The following SLC16A12 variants were observed in gnomAD, a reference collection of about 807,000 sequenced individuals.
The protein encoded by SLC16A12 is monocarboxylate transporter 12.
Under a neutral mutation model 42.4 loss-of-function variants are expected in SLC16A12, and 17 were observed. That is an observed-to-expected ratio of 0.40 (90% CI 0.27 to 0.60). The LOEUF is 0.60. Ranked by LOEUF, SLC16A12 falls within the 20% of genes least tolerant of loss-of-function variation. The pLI is 0.42. For synonymous variants in SLC16A12, 224 were observed against 229.4 expected (o/e 0.98, Z 0.21); for missense variants, 544 against 623.0 (o/e 0.87, Z 1.35).
At chr10:89,465,391 T>C (rs1460155295) in intron 2 of SLC16A12, among the ~76,000 whole-genome samples, 4 of 152,240 alleles carry the variant, frequency 2.6e-5, no homozygotes, top group South Asian at 2.1e-4. Context: ...GACGTAGCTA[T>C]AAATGCAGTT....
At chr10:89,539,800 G>A (rs1384464322), upstream of SLC16A12, among the ~76,000 whole-genome samples, 1 of 151,862 alleles carries the variant, frequency 6.6e-6, no homozygotes, top group Non-Finnish European at 1.5e-5. Context: ...GTACAGATTA[G>A]GGCAATACAT....
At chr10:89,500,938 G>A (rs1225652004) in intron 2 of SLC16A12, among the ~76,000 whole-genome samples, 9 of 152,024 alleles carry the variant, frequency 5.9e-5, no homozygotes, top group African/African-American at 1.9e-4. Flanking sequence ...AAAGAACTCA[G>A]CAAAGTTTCC....
At chr10:89,497,639 A>G (rs1842939420) in intron 2 of SLC16A12, among the ~76,000 whole-genome samples, 1 of 152,144 alleles carries the variant, frequency 6.6e-6, no homozygotes, top group Non-Finnish European at 1.5e-5. Context: ...ATTAAACTCA[A>G]GTCTCCTGAC....
At chr10:89,459,095 T>C (rs1253620918) in intron 3 of SLC16A12, among the ~76,000 whole-genome samples, 1 of 152,238 alleles carries the variant, frequency 6.6e-6, no homozygotes, top group Admixed American at 6.5e-5. Context: ...GGAAGAATTT[T>C]GCACTAAGAT....
intron 2 of SLC16A12, among the ~76,000 whole-genome samples, chr10:89,554,076 G>T (rs1843789405): frequency 8.9e-6 from 1 of 112,342 alleles, no homozygotes; most frequent in Non-Finnish European, 1.9e-5. Context: ...AAGAAAGAAA[G>T]AAAGAAAGAA....
intron 2 of SLC16A12, among the ~76,000 whole-genome samples, chr10:89,547,217 A>T (rs1361336773): frequency 6.6e-6 from 1 of 152,220 alleles, no homozygotes; most frequent in Non-Finnish European, 1.5e-5. Flanking sequence ...TTATAAGAGT[A>T]TAAGGGAAAA....
chr10:89,552,156 G>C (rs1325105603), intron 2 of SLC16A12, among the ~76,000 whole-genome samples: 1 of 152,072 alleles, frequency 6.6e-6, no homozygotes, highest in African/African-American at 2.4e-5. Flanking sequence ...GGCTGGTCTT[G>C]AACTCCTGAC....
chr10:89,467,349 T>C (rs995061380), intron 2 of SLC16A12, among the ~76,000 whole-genome samples: 3 of 152,234 alleles, frequency 2.0e-5, no homozygotes, highest in Non-Finnish European at 2.9e-5. Flanking sequence ...ATTCTTTCAA[T>C]AGCAATTCTA....
chr10:89,523,386 C>T (rs1221911928), intron 2 of SLC16A12, among the ~76,000 whole-genome samples: 2 of 152,176 alleles, frequency 1.3e-5, no homozygotes, highest in African/African-American at 4.8e-5. Flanking sequence ...GTGTCCTCCA[C>T]ACACCACTCA....
At chr10:89,473,025 C>T (rs1842525378) in intron 2 of SLC16A12, among the ~76,000 whole-genome samples, 1 of 151,534 alleles carries the variant, frequency 6.6e-6, no homozygotes, top group African/African-American at 2.4e-5. Flanking sequence ...CACTATGTTT[C>T]TCAGGCTGGT....
intron 3 of SLC16A12, among the ~76,000 whole-genome samples, chr10:89,450,002 T>C (rs574148534): frequency 7.2e-5 from 11 of 152,226 alleles, no homozygotes; most frequent in Non-Finnish European, 1.5e-4. Context: ...AACAGACACA[T>C]GAAAAAATGC....
chr10:89,498,322 A>G (rs149107581), intron 2 of SLC16A12, among the ~76,000 whole-genome samples: 109 of 152,174 alleles, frequency 7.2e-4, no homozygotes, highest in African/African-American at 2.6e-3. Flanking sequence ...ACAAAAAGAG[A>G]CTGTGTTGAA....
intron 2 of SLC16A12, among the ~76,000 whole-genome samples, chr10:89,494,817 T>C (rs2133812166): frequency 6.6e-6 from 1 of 152,212 alleles, no homozygotes; most frequent in African/African-American, 2.4e-5. Flanking sequence ...AAGCTAAAAA[T>C]AGGACTGATG....
At chr10:89,462,139 G>A (rs2133746133) in intron 3 of SLC16A12, among the ~76,000 whole-genome samples, 1 of 152,154 alleles carries the variant, frequency 6.6e-6, no homozygotes, top group African/African-American at 2.4e-5. Context: ...AACGATACCT[G>A]AGCAGTCAAC....
intron 2 of SLC16A12, among the ~76,000 whole-genome samples, chr10:89,469,907 ACT>A (rs752212474): frequency 6.6e-6 from 1 of 152,126 alleles, no homozygotes; most frequent in African/African-American, 2.4e-5. Context: ...TTACATAATA[ACT>A]CTTTCAAGGT....
At chr10:89,540,530 T>C (rs1449025488), upstream of SLC16A12, among the ~76,000 whole-genome samples, 4 of 152,236 alleles carry the variant, frequency 2.6e-5, no homozygotes, top group Non-Finnish European at 4.4e-5. Context: ...CCCAGCCTCA[T>C]GACTGTAGCT....
intron 2 of SLC16A12, among the ~76,000 whole-genome samples, chr10:89,512,016 C>G (rs1277412977): frequency 6.6e-6 from 1 of 152,100 alleles, no homozygotes; most frequent in African/African-American, 2.4e-5. Flanking sequence ...ATAAATGAAG[C>G]CTGAAGACAT....
Position 89,462,417 on chromosome 10 carries a change from G to A in SLC16A12, c.162C>T (p.Gly54=), listed in dbSNP as rs914304986. 6 of 1,613,924 alleles carry A rather than the reference G, an allele frequency of 3.7e-6. No individual in the cohort carries two copies. In the African/African-American group the frequency reaches 8.0e-5, roughly 22 times the overall value. Reference sequence around the variant, plus strand: ...GTGTGCAGATGGTAACAAGGAAACAGCCAGCCACAATCATCCAGCCCCAGC... The same window carrying A: ...GTGTGCAGATGGTAACAAGGAAACAACCAGCCACAATCATCCAGCCCCAGC... ...DGGWGWMIVA[G]CFLVTICTRA... is the part of the protein sequence containing the mutation. Residue 54 remains glycine (G), a synonymous_variant, in exon 3 of 8, where the codon GGC becomes GGT. Coordinates refer to ENST00000371790, the MANE Select transcript of SLC16A12 (RefSeq NM_213606.4).
chr10:89,522,681 C>T (rs1843375438), intron 2 of SLC16A12, among the ~76,000 whole-genome samples: 1 of 152,192 alleles, frequency 6.6e-6, no homozygotes, highest in African/African-American at 2.4e-5. Flanking sequence ...AGCAGTACAG[C>T]ATGATGGTAC....
Sources: allele counts gnomAD v4.1 joint callset (sites outside exome capture counted in the v4.1 genomes callset), GRCh38; gene constraint gnomAD v4.1.1; transcripts MANE v1.5; gene names NCBI Gene and HGNC (gene_info 2026-07-23, HGNC 2026-07-21).